BTBD9: variants seen among roughly 807,000 people sequenced by gnomAD.
BTBD9 encodes the protein BTB/POZ domain-containing protein 9.
A neutral mutation model predicts 64.3 loss-of-function variants in BTBD9; 49 were observed. The observed-to-expected ratio is 0.76, with a 90% CI of 0.61 to 0.97. BTBD9 has a LOEUF of 0.97. Ranked by LOEUF, BTBD9 falls within the 50% of genes least tolerant of loss-of-function variation. The pLI, the probability that BTBD9 is intolerant of heterozygous loss-of-function variation, is 0.00. For synonymous variants in BTBD9, 260 were observed against 274.7 expected, an observed-to-expected ratio of 0.95 and a Z score of 0.53; for missense variants, 598 against 762.1, an observed-to-expected ratio of 0.78 and a Z score of 2.53.
At chr6:38,285,931 C>A (rs1761709820) in intron 8 of BTBD9, among the ~76,000 whole-genome samples, 7 of 152,170 alleles carry the variant, frequency 4.6e-5, no homozygotes, top group Admixed American at 4.6e-4. Context: ...ATAGAGGTTT[C>A]ACATCATCTT....
At chr6:38,472,758 G>C (rs1300961632) in intron 6 of BTBD9, among the ~76,000 whole-genome samples, 1 of 152,080 alleles carries the variant, frequency 6.6e-6, no homozygotes, top group Admixed American at 6.5e-5. Flanking sequence ...CTTATATCTA[G>C]GTAGGCCTTT....
intron 9 of BTBD9, among the ~76,000 whole-genome samples, chr6:38,255,884 C>T (rs528593552): frequency 4.6e-5 from 7 of 151,830 alleles, no homozygotes; most frequent in East Asian, 1.9e-4. Flanking sequence ...CTTGGACATA[C>T]GGTGGGGAAC....
intron 8 of BTBD9, among the ~76,000 whole-genome samples, chr6:38,281,932 G>C (rs1251566190): frequency 6.6e-6 from 1 of 152,074 alleles, no homozygotes; most frequent in Non-Finnish European, 1.5e-5. Context: ...TTATAATTAG[G>C]GTTTCAACAA....
At chr6:38,630,360 T>G (rs1166056640) in intron 1 of BTBD9, among the ~76,000 whole-genome samples, 1 of 152,196 alleles carries the variant, frequency 6.6e-6, no homozygotes, top group African/African-American at 2.4e-5. Flanking sequence ...GGATAATTGA[T>G]GAAATATGAA....
At chr6:38,472,281 T>C (rs566968129) in intron 6 of BTBD9, among the ~76,000 whole-genome samples, 1 of 152,302 alleles carries the variant, frequency 6.6e-6, no homozygotes, top group East Asian at 1.9e-4. Context: ...GCAATATTTT[T>C]AGATGGATGG....
chr6:38,502,697 G>T (rs1408584860), intron 6 of BTBD9, among the ~76,000 whole-genome samples: 1 of 152,198 alleles, frequency 6.6e-6, no homozygotes, highest in Non-Finnish European at 1.5e-5. Context: ...TATCATTAAT[G>T]AGCACACTGT....
At chr6:38,577,757 C>T (rs1224409216) in intron 5 of BTBD9, 38 bp from the exon 6 acceptor site, 1 of 1,565,368 alleles carries the variant, frequency 6.4e-7, no homozygotes, top group Non-Finnish European at 8.7e-7. Context: ...AAAATTACCA[C>T]ATTAAAAAAC....
At chr6:38,311,859 C>T (rs1355659157) in intron 7 of BTBD9, among the ~76,000 whole-genome samples, 1 of 151,900 alleles carries the variant, frequency 6.6e-6, no homozygotes, top group Non-Finnish European at 1.5e-5. Flanking sequence ...AGCACCTTTT[C>T]TTTTTTATTT....
intron 6 of BTBD9, among the ~76,000 whole-genome samples, chr6:38,537,492 A>C (rs953013766): frequency 6.6e-5 from 10 of 152,238 alleles, no homozygotes; most frequent in African/African-American, 2.4e-4. Context: ...CAATTTCTGC[A>C]GATTTTTCAG....
intron 6 of BTBD9, among the ~76,000 whole-genome samples, chr6:38,511,284 T>C (rs12199427): frequency 0.19 from 28,566 of 151,790 alleles, 3,455 homozygotes; most frequent in Non-Finnish European, 0.29. Flanking sequence ...TTGTCTGAAT[T>C]TCCCAGACAT....
At chr6:38,372,529 G>A (rs997311151) in intron 6 of BTBD9, among the ~76,000 whole-genome samples, 1 of 152,218 alleles carries the variant, frequency 6.6e-6, no homozygotes, top group Non-Finnish European at 1.5e-5. Flanking sequence ...TTTTAAGTAT[G>A]AAGCAGGGCA....
intron 9 of BTBD9, among the ~76,000 whole-genome samples, chr6:38,251,519 C>G (rs977329364): frequency 6.6e-6 from 1 of 152,118 alleles, no homozygotes; most frequent in Admixed American, 6.5e-5. Context: ...CCCATCTTAG[C>G]CTCCCAAAGT....
intron 5 of BTBD9, among the ~76,000 whole-genome samples, chr6:38,579,963 T>C (rs1380476268): frequency 6.6e-6 from 1 of 152,230 alleles, no homozygotes; most frequent in African/African-American, 2.4e-5. Flanking sequence ...CAATTTTTAT[T>C]TTCTTCTATG....
chr6:38,572,683 A>G (rs1775826359), intron 6 of BTBD9, among the ~76,000 whole-genome samples: 1 of 152,104 alleles, frequency 6.6e-6, no homozygotes, highest in South Asian at 2.1e-4. Context: ...CAAATAAATG[A>G]CTTTAATCAA....
At chr6:38,352,812 C>T (rs955974171) in intron 6 of BTBD9, among the ~76,000 whole-genome samples, 2 of 152,194 alleles carry the variant, frequency 1.3e-5, no homozygotes, top group South Asian at 2.1e-4. Context: ...TCTTCCTACC[C>T]GCTCTTCCCA....
Position 38,598,048 on chromosome 6 carries a change from A to T in BTBD9, c.47T>A (p.Ile16Asn). 1 of 1,613,950 alleles carries T rather than the reference A, an allele frequency of 6.2e-7. No individual in the cohort carries two copies. The highest frequency in any genetic ancestry group is 8.5e-7 in the Non-Finnish European group (1 of 1,179,858). ...PLRPFTAVGE[I>N]DHVHILSEHI... ...TTCAGACAAAATGTGCACATGATCA[A>T]TTTCCCCCACTGCAGTAAAGGGGCG... The change falls in exon 2 of 11, where the codon ATT becomes AAT. Residue 16 changes from isoleucine to asparagine, a missense_variant. Physicochemically the swap from Ile to Asn is moderately radical, Grantham distance 149. Coordinates refer to ENST00000481247, the MANE Select transcript of BTBD9 (RefSeq NM_001099272.2).
chr6:38,621,739 G>A (rs1777989792), intron 1 of BTBD9, among the ~76,000 whole-genome samples: 1 of 152,222 alleles, frequency 6.6e-6, no homozygotes, highest in Non-Finnish European at 1.5e-5. Flanking sequence ...GTTACTGCAT[G>A]CTGTACAAAA....
At chr6:38,527,435 G>A (rs1046762513) in intron 6 of BTBD9, among the ~76,000 whole-genome samples, 4 of 152,220 alleles carry the variant, frequency 2.6e-5, no homozygotes, top group Non-Finnish European at 5.9e-5. Context: ...GAGGTGACTG[G>A]ATCACAGGGG....
chr6:38,185,323 T>C (rs1425509647), intron 10 of BTBD9, among the ~76,000 whole-genome samples: 1 of 152,224 alleles, frequency 6.6e-6, no homozygotes, highest in Non-Finnish European at 1.5e-5. Flanking sequence ...GGAAGGGTCC[T>C]GCCTCAGTTT....
Sources: allele counts gnomAD v4.1 joint callset (sites outside exome capture counted in the v4.1 genomes callset), GRCh38; gene constraint gnomAD v4.1.1; transcripts MANE v1.5; gene names NCBI Gene and HGNC (gene_info 2026-07-23, HGNC 2026-07-21).